FAM161A: variants seen among roughly 807,000 people sequenced by gnomAD.
The protein encoded by FAM161A is FAM161 centrosomal protein A, also known as protein FAM161A.
FAM161A carries 57 observed loss-of-function variants against 70.9 expected under a neutral mutation model. The ratio of observed to expected loss-of-function variants is 0.80; its 90% CI spans 0.65 to 1.00. The LOEUF (loss-of-function observed/expected upper bound fraction) is 1.00, where lower values mean the gene tolerates loss of function less well. Among genes scored for constraint, FAM161A ranks in the 50% least tolerant of loss-of-function variants. The pLI is 0.00. For synonymous variants in FAM161A, 299 were observed against 295.7 expected, an observed-to-expected ratio of 1.01 and a Z score of -0.12; for missense variants, 880 against 836.0, an observed-to-expected ratio of 1.05 and a Z score of -0.65.
intron 1 of FAM161A, among the ~76,000 whole-genome samples, chr2:61,852,449 G>A (rs904358838): frequency 1.3e-5 from 2 of 152,190 alleles, no homozygotes; most frequent in African/African-American, 4.8e-5. Context: ...GGTTCTCATA[G>A]AGCTGAGATG....
chr2:61,848,346 A>G (rs1301769234), intron 1 of FAM161A, among the ~76,000 whole-genome samples: 4 of 152,230 alleles, frequency 2.6e-5, no homozygotes, highest in Admixed American at 6.5e-5. Flanking sequence ...CTGATCTCAC[A>G]GTGTTTAACC....
At chr2:61,848,864 A>ATATATATT (rs1558491591) in intron 1 of FAM161A, among the ~76,000 whole-genome samples, 1 of 1,862 alleles carries the variant, frequency 5.4e-4, no homozygotes, top group Non-Finnish European at 8.3e-4. Flanking sequence ...ATATATATTT[A>ATATATATT]TATATATATT....
At chr2:61,810,943 CA>C in the FAM161A span, among the ~76,000 whole-genome samples, 2 of 152,158 alleles carry the variant, frequency 1.3e-5, no homozygotes, top group Non-Finnish European at 2.9e-5. Flanking sequence ...GGATGCAGGA[CA>C]GGACATCACA....
intron 6 of FAM161A, among the ~76,000 whole-genome samples, 198 bp downstream of exon 6, chr2:61,826,906 T>C (rs1672387973): frequency 6.6e-6 from 1 of 152,248 alleles, no homozygotes. Flanking sequence ...AAAAATAAAA[T>C]ACTTCATGTG....
chr2:61,842,624 C>T (rs115273190), intron 1 of FAM161A, among the ~76,000 whole-genome samples: 94 of 152,280 alleles, frequency 6.2e-4, no homozygotes, highest in African/African-American at 2.1e-3. Flanking sequence ...GTTCAATTCC[C>T]AGATCAACCA....
the FAM161A span, among the ~76,000 whole-genome samples, chr2:61,816,156 C>T: frequency 6.6e-6 from 1 of 152,098 alleles, no homozygotes; most frequent in Non-Finnish European, 1.5e-5. Context: ...TGGCTTTCTC[C>T]CATAGCATAA....
chr2:61,807,515 T>C, the FAM161A span, among the ~76,000 whole-genome samples: 2 of 151,604 alleles, frequency 1.3e-5, no homozygotes, highest in African/African-American at 2.4e-5. Flanking sequence ...ATCTTACATG[T>C]GCAGGATTAC....
chr2:61,804,819 A>AAAGAAAGG, the FAM161A span, among the ~76,000 whole-genome samples: 6 of 114,240 alleles, frequency 5.3e-5, no homozygotes, highest in East Asian at 2.9e-4. Context: ...AGAAAGAAAG[A>AAAGAAAGG]GAAAGAGAAA....
the FAM161A span, among the ~76,000 whole-genome samples, chr2:61,818,713 CATAAT>C: frequency 1.3e-5 from 2 of 152,104 alleles, no homozygotes; most frequent in Non-Finnish European, 2.9e-5. Flanking sequence ...ATATAGAACA[CATAAT>C]AGAATTAGAA....
In FAM161A at chr2:61,825,827, C is replaced by T. The variant is rs1009513815; in HGVS notation, c.*628G>A. On this transcript the variant is annotated 3_prime_UTR_variant, in exon 7 of 7. Transcript: ENST00000404929. The stretch of plus-strand genomic sequence containing the variant: ...TAATTTTTTGTATTTTTAGTAGAGA[C>T]GGGGTTTCATCGTGTTAGCCAGGAT... 21 of 435,768 alleles carry T rather than the reference C, an allele frequency of 4.8e-5. 1 individual carries two copies. The highest frequency in any genetic ancestry group is 8.1e-5 in the South Asian group (5 of 61,474). 27.0% of individuals were successfully genotyped at this position (435,768 alleles called of 1,614,324 possible).
Position 61,842,249 on chromosome 2 carries a change from CT to C in FAM161A, c.294del (p.Val99Ter), listed in dbSNP as rs762087385. ...IHHSNEEYFK[K>X]VEELKAAHIE... ...ATGTGGGCAGCCTTCAACTCTTCTACTTTCTTGAAATACTCCTCATTAGAGT... is the reference window on the plus strand; with the variant it reads ...ATGTGGGCAGCCTTCAACTCTTCTACTTCTTGAAATACTCCTCATTAGAGT... On this transcript the variant is annotated frameshift_variant, in exon 2 of 7. Transcript: ENST00000404929. LOFTEE classifies it high-confidence loss of function. The C allele has an allele frequency of 2.0e-5, 32 of 1,613,422 alleles. No individual in the cohort carries two copies. The highest frequency in any genetic ancestry group is 2.4e-5 in the Non-Finnish European group (28 of 1,179,468).
In FAM161A at chr2:61,840,071, C is replaced by T; in HGVS notation, c.933G>A (p.Lys311=). The change falls in exon 3 of 7, where the codon AAG becomes AAA. Residue 311 remains lysine, a synonymous_variant. Transcript: ENST00000404929. ...KQKEERRRSL[K]EKSKEALLAS... is the part of the protein sequence containing the mutation. ...CCAAAAGAGCTTCTTTGCTTTTCTC[C>T]TTCAGAGACCTTCTCCGTTCTTCTT... 1 of 1,614,152 alleles carries T rather than the reference C, an allele frequency of 6.2e-7. No individual in the cohort carries two copies. Among genetic ancestry groups the T allele is most frequent in the South Asian group, 1.1e-5 (1 of 91,076 alleles).
At chr2:61,800,677 T>C in the FAM161A span, among the ~76,000 whole-genome samples, 3 of 141,840 alleles carry the variant, frequency 2.1e-5, no homozygotes, top group Non-Finnish European at 4.6e-5. Flanking sequence ...TTTAAGTGGG[T>C]AGACTGTGCC....
At chr2:61,830,068 T>C (rs996404912) in intron 5 of FAM161A, among the ~76,000 whole-genome samples, 12 of 152,132 alleles carry the variant, frequency 7.9e-5, no homozygotes, top group Admixed American at 3.9e-4. Flanking sequence ...ATATCATTCA[T>C]TGAAAATGAG....
the FAM161A span, among the ~76,000 whole-genome samples, chr2:61,808,090 G>C: frequency 4.6e-5 from 7 of 152,158 alleles, no homozygotes; most frequent in African/African-American, 1.4e-4. Flanking sequence ...TGATGGCAGG[G>C]AGCTCAGTGA....
the FAM161A span, among the ~76,000 whole-genome samples, chr2:61,818,138 C>T: frequency 1.2e-3 from 176 of 151,014 alleles, no homozygotes; most frequent in African/African-American, 4.1e-3. Flanking sequence ...GGCTCATTGC[C>T]TCTGCCTCCT....
At chr2:61,817,646 A>G in the FAM161A span, among the ~76,000 whole-genome samples, 3 of 152,190 alleles carry the variant, frequency 2.0e-5, no homozygotes, top group Non-Finnish European at 2.9e-5. Flanking sequence ...GCTTCATCAC[A>G]AAGTGTTAAA....
At chr2:61,831,556 A>G (rs922898208) in intron 5 of FAM161A, among the ~76,000 whole-genome samples, 4 of 152,198 alleles carry the variant, frequency 2.6e-5, no homozygotes, top group African/African-American at 4.8e-5. Context: ...TTCAAAAAGC[A>G]TTTGTTGAGA....
chr2:61,845,012 G>A (rs988244922), intron 1 of FAM161A, among the ~76,000 whole-genome samples: 8 of 152,170 alleles, frequency 5.3e-5, no homozygotes, highest in African/African-American at 1.2e-4. Flanking sequence ...AACATCCATC[G>A]CCAGGAAACA....
Sources: gnomAD v4.1 joint callset for allele counts (sites outside exome capture counted in the v4.1 genomes callset) on GRCh38, gnomAD v4.1.1 for gene constraint, MANE v1.5 for transcripts, NCBI Gene and HGNC (gene_info 2026-07-23, HGNC 2026-07-21) for gene names.